The following PRKN variants were observed in gnomAD, a reference collection of about 807,000 sequenced individuals.
The protein encoded by PRKN is E3 ubiquitin-protein ligase parkin.
A neutral mutation model predicts 59.5 loss-of-function variants in PRKN; 56 were observed. The observed-to-expected ratio is 0.94, with a 90% CI of 0.76 to 1.18. The LOEUF (loss-of-function observed/expected upper bound fraction) is 1.18, where lower values mean the gene tolerates loss of function less well. PRKN is among the 50% of genes most tolerant of loss of function. The pLI is 0.00. For missense variants in PRKN, 657 were observed against 596.4 expected, an observed-to-expected ratio of 1.10 and a Z score of -1.06; for synonymous variants, 250 against 222.1, an observed-to-expected ratio of 1.13 and a Z score of -1.12.
At chr6:161,954,589 G>A (rs1357280454) in intron 6 of PRKN, among the ~76,000 whole-genome samples, 1 of 152,114 alleles carries the variant, frequency 6.6e-6, no homozygotes, top group African/African-American at 2.4e-5. Context: ...TCTTGTAATT[G>A]TTTTATTAAG....
At chr6:162,554,307 C>T (rs1779462994) in intron 1 of PRKN, among the ~76,000 whole-genome samples, 1 of 152,000 alleles carries the variant, frequency 6.6e-6, no homozygotes, top group Admixed American at 6.6e-5. Flanking sequence ...AGTTCATGAC[C>T]AGCCTGACCA....
intron 2 of PRKN, among the ~76,000 whole-genome samples, chr6:162,433,536 C>T (rs1294894594): frequency 6.7e-6 from 1 of 149,758 alleles, no homozygotes; most frequent in South Asian, 2.1e-4. Flanking sequence ...TAGGCTCCTA[C>T]AAGAACAGCA....
At chr6:162,553,218 G>A (rs1200967882) in intron 1 of PRKN, among the ~76,000 whole-genome samples, 1 of 152,140 alleles carries the variant, frequency 6.6e-6, no homozygotes, top group Non-Finnish European at 1.5e-5. Flanking sequence ...AGGCAGAGGT[G>A]GGTGTCCAGC....
intron 1 of PRKN, among the ~76,000 whole-genome samples, chr6:162,651,697 G>C (rs1309120537): frequency 1.3e-5 from 2 of 152,148 alleles, no homozygotes; most frequent in Non-Finnish European, 2.9e-5. Flanking sequence ...AAAAAAGCAG[G>C]CTTCTCAGGT....
Position 161,561,426 on chromosome 6 carries a change from G to A in PRKN, c.933+7929C>T, listed in dbSNP as rs1434773295. 1.3e-5 allele frequency among the ~76,000 whole-genome samples: 2 copies of A among 152,088 alleles called. No individual in the cohort carries two copies. Among genetic ancestry groups the A allele is most frequent in the African/African-American group, 4.8e-5 (2 of 41,402 alleles). On this transcript the variant is annotated intron_variant, in intron 8 of 11. Transcript: ENST00000366898. This position sits in a 1 kb window ranked among gnomAD's most constrained non-coding sequence, Gnocchi z 5.0. ...GGAATCATGGCTGATGTCCTGATGT[G>A]CTCAACAGATGTTTCCTAAGCACAC...
intron 1 of PRKN, among the ~76,000 whole-genome samples, chr6:162,487,013 T>C (rs1443971059): frequency 2.6e-5 from 4 of 151,882 alleles, no homozygotes; most frequent in Non-Finnish European, 5.9e-5. Flanking sequence ...GAGGTTGCAG[T>C]GAGCCAAGAT....
intron 6 of PRKN, among the ~76,000 whole-genome samples, chr6:161,852,443 G>T (rs1001221114): frequency 2.6e-5 from 4 of 152,022 alleles, no homozygotes; most frequent in African/African-American, 4.8e-5. Flanking sequence ...ACAAAGCAAG[G>T]CTCTGTCTCT....
In PRKN at chr6:161,547,063, C is replaced by G. The variant is rs140362187; in HGVS notation, c.1083+1791G>C. Among the ~76,000 whole-genome samples the G allele has an allele frequency of 1.3e-5, 2 of 152,104 alleles. No homozygotes were observed. Among genetic ancestry groups the G allele is most frequent in the Non-Finnish European group, 2.9e-5 (2 of 68,012 alleles). On this transcript the variant is annotated intron_variant, in intron 9 of 11. Transcript: ENST00000366898. The surrounding 1 kb of genome is among the most constrained non-coding windows in gnomAD (Gnocchi z 4.0). ...CAGAACTACCCAGCAAAGCCACTCA[C>G]GGGTGATTCCTGACTCTCAGAAACT...
At chr6:161,904,749 G>C (rs1469073470) in intron 6 of PRKN, among the ~76,000 whole-genome samples, 1 of 152,152 alleles carries the variant, frequency 6.6e-6, no homozygotes, top group Non-Finnish European at 1.5e-5. Context: ...GGGAAACAGG[G>C]ACTGGGGATG....
chr6:162,628,184 G>A (rs1782971672), intron 1 of PRKN, among the ~76,000 whole-genome samples: 1 of 152,164 alleles, frequency 6.6e-6, no homozygotes, highest in Admixed American at 6.6e-5. Flanking sequence ...GTTTCTGAAA[G>A]TTTTGATGAT....
intron 7 of PRKN, among the ~76,000 whole-genome samples, chr6:161,757,871 C>CTCTCTCTCTCTCTCTCTCTTTG (rs1380898753): frequency 1.0e-5 from 1 of 97,984 alleles, no homozygotes; most frequent in Non-Finnish European, 1.9e-5. Flanking sequence ...CTCTCTCTCT[C>CTCTCTCTCTCTCTCTCTCTTTG]TGTGTATATA....
rs1313506932 is a variant in PRKN, at chr6:161,517,753, A to AAAAAAG, written c.1083+31100_1083+31101insCTTTTT. Among the ~76,000 whole-genome samples, 29 of 149,830 alleles carry AAAAAAG rather than the reference A, an allele frequency of 1.9e-4. 1 individual carries two copies. The highest frequency in any genetic ancestry group is 1.7e-3 in the Admixed American group (26 of 15,064). On this transcript the variant is annotated intron_variant, in intron 9 of 11. Transcript: ENST00000366898. ...AGACTCTATCTCAAAAAAAAAAAAA[A>AAAAAAG]AAAAAAAAAAAAGAGTTGAGGTGGT...
chr6:162,148,238 TG>T (rs1462181297), intron 4 of PRKN, among the ~76,000 whole-genome samples: 4 of 152,358 alleles, frequency 2.6e-5, no homozygotes, highest in African/African-American at 9.6e-5. Context: ...TTGTTAGTTT[TG>T]GTTCTTATTC....
intron 1 of PRKN, among the ~76,000 whole-genome samples, chr6:162,566,824 C>CA (rs1223688383): frequency 6.6e-6 from 1 of 151,888 alleles, no homozygotes; most frequent in East Asian, 1.9e-4. Context: ...ACAGACACAT[C>CA]AAAAAAAGAA....
At chr6:162,666,279 T>C (rs1317674384) in intron 1 of PRKN, among the ~76,000 whole-genome samples, 1 of 152,104 alleles carries the variant, frequency 6.6e-6, no homozygotes, top group East Asian at 1.9e-4. Flanking sequence ...TAATGGTATA[T>C]AAATAACAAT....
intron 7 of PRKN, among the ~76,000 whole-genome samples, chr6:161,738,982 G>A (rs1400802709): frequency 6.6e-6 from 1 of 152,210 alleles, no homozygotes; most frequent in African/African-American, 2.4e-5. Context: ...GAGATAAGAT[G>A]ATGTGGGTTA....
At chr6:161,653,971 C>A (rs1220069176) in intron 7 of PRKN, among the ~76,000 whole-genome samples, 1 of 151,524 alleles carries the variant, frequency 6.6e-6, no homozygotes, top group Admixed American at 6.6e-5. Flanking sequence ...ATCTGATAGT[C>A]TCTAATGTTA....
intron 1 of PRKN, among the ~76,000 whole-genome samples, chr6:162,468,107 C>T (rs1480113770): frequency 1.3e-5 from 2 of 152,106 alleles, no homozygotes; most frequent in East Asian, 3.9e-4. Context: ...ATGTAAGCCC[C>T]GACAGGACAG....
At chr6:162,448,721 C>T (rs1026037070) in intron 1 of PRKN, among the ~76,000 whole-genome samples, 15 of 152,062 alleles carry the variant, frequency 9.9e-5, no homozygotes, top group African/African-American at 3.6e-4. Context: ...CCTCTAATCC[C>T]GTGGCTGTAA....
Sources: gnomAD v4.1 joint callset for allele counts (sites outside exome capture counted in the v4.1 genomes callset) on GRCh38, gnomAD v4.1.1 for gene constraint, Gnocchi (gnomAD v3.1) non-coding constraint, MANE v1.5 for transcripts, NCBI Gene and HGNC (gene_info 2026-07-23, HGNC 2026-07-21) for gene names.